The following KIF4A variants were observed in gnomAD, a reference collection of about 807,000 sequenced individuals.
KIF4A encodes the protein kinesin family member 4A, also known as chromosome-associated kinesin KIF4A.
A neutral mutation model predicts 105.9 loss-of-function variants in KIF4A; 7 were observed. The ratio of observed to expected loss-of-function variants is 0.07; its 90% CI spans 0.04 to 0.12. The LOEUF (loss-of-function observed/expected upper bound fraction) is 0.12. Among genes scored for constraint, KIF4A ranks in the 10% least tolerant of loss-of-function variants. The pLI, the probability that KIF4A is intolerant of heterozygous loss-of-function variation, is 1.00. For missense variants in KIF4A, 558 were observed against 929.2 expected (o/e 0.60, Z 5.19); for synonymous variants, 281 against 331.3 (o/e 0.85, Z 1.65).
In KIF4A at chrX:70,375,776, A is replaced by G. The variant is rs745455203; in HGVS notation, c.1924-324A>G. ...CTTGTACTGAAACCTTTAGAATACAATGGTTACTAGGTGGATTTGTCCTGG... is the reference window on the plus strand; with the variant it reads ...CTTGTACTGAAACCTTTAGAATACAGTGGTTACTAGGTGGATTTGTCCTGG... On this transcript the variant is annotated intron_variant, in intron 17 of 30. Coordinates refer to ENST00000374403, the MANE Select transcript of KIF4A (RefSeq NM_012310.5). Among the ~76,000 whole-genome samples the G allele has an allele frequency of 2.7e-5, 3 of 112,083 alleles. No homozygotes were observed. The East Asian group carries it at 8.4e-4, about 31-fold the overall frequency.
intron 18 of KIF4A, among the ~76,000 whole-genome samples, chrX:70,380,336 C>T (rs768256992): frequency 9.0e-6 from 1 of 111,347 alleles, no homozygotes; most frequent in South Asian, 3.8e-4. Context: ...ACACTTATGA[C>T]CAAGTGAAGT....
chrX:70,376,013 CTCT>C (rs1416493276), intron 17 of KIF4A, 84 bp from the exon 18 acceptor site: 2 of 589,087 alleles, frequency 3.4e-6, no homozygotes, highest in Non-Finnish European at 5.4e-6. Flanking sequence ...TGGCTTTTCT[CTCT>C]TCTTAATGGT....
chrX:70,330,058 G>A (rs1025489468), intron 8 of KIF4A, 99 bp from the exon 9 acceptor site: 3 of 662,094 alleles, frequency 4.5e-6, no homozygotes, highest in African/African-American at 4.4e-5. Context: ...TTTTCTTATA[G>A]CTCTGAATTT....
At position 70,329,467 on chromosome X, in the gene KIF4A, A is replaced by C. The variant is rs1463104712; in HGVS notation, c.841A>C (p.Lys281Gln). The C allele has an allele frequency of 3.3e-6, 4 of 1,209,181 alleles. No individual in the cohort carries two copies. Among genetic ancestry groups the C allele is most frequent in the Non-Finnish European group, 2.2e-6 (2 of 894,782 alleles). Residue 281 changes from lysine (K) to glutamine (Q), a missense_variant, in exon 8 of 31, where the codon AAA (lysine) becomes CAA (glutamine). This residue lies in a region of KIF4A where 89 missense variants were observed against 248.8 expected (regional missense o/e 0.36). Transcript: ENST00000374403. ...GNVISALGDD[K>Q]KGGFVPYRDS... ...TGTAATCAGTGCTCTTGGAGATGACAAAAAGGGTGGCTTTGTGCCCTACAG... is the reference window on the plus strand; with the variant it reads ...TGTAATCAGTGCTCTTGGAGATGACCAAAAGGGTGGCTTTGTGCCCTACAG...
chrX:70,382,476 CA>C (rs1478942407), intron 18 of KIF4A, among the ~76,000 whole-genome samples: 2 of 111,570 alleles, frequency 1.8e-5, no homozygotes, highest in African/African-American at 6.5e-5. Flanking sequence ...TAAAGCAGAT[CA>C]AAAACCTAAA....
intron 7 of KIF4A, among the ~76,000 whole-genome samples, chrX:70,318,129 C>T (rs1351807541): frequency 9.0e-6 from 1 of 110,972 alleles, no homozygotes; most frequent in Non-Finnish European, 1.9e-5. Context: ...CTGCCTGCCT[C>T]GGCCTCCCAA....
At chrX:70,329,802 G>A (rs753292704) in intron 8 of KIF4A, among the ~76,000 whole-genome samples, 2 of 111,347 alleles carry the variant, frequency 1.8e-5, no homozygotes, top group South Asian at 3.8e-4. Context: ...TTATTAGTGC[G>A]GCTAAGCAGA....
In KIF4A at chrX:70,417,930, A is replaced by C. The variant is rs1322308773; in HGVS notation, c.3298A>C (p.Arg1100=). The C allele has an allele frequency of 8.3e-7, 1 of 1,211,372 alleles. No homozygotes were observed. The highest frequency in any genetic ancestry group is 1.1e-6 in the Non-Finnish European group (1 of 895,208). The stretch of plus-strand genomic sequence containing the variant: ...GTGTGGAAACAAGCAGTGTGGGTGC[A>C]GGAAGCAAAAGTCAGACTGTGGTGT... The part of the protein sequence containing the change: ...GWCGNKQCGC[R]KQKSDCGVDC... Residue 1100 remains arginine, a synonymous_variant, in exon 29 of 31, where the codon AGG becomes CGG. Transcript: ENST00000374403.
At chrX:70,310,619 C>T (rs1376140045) in intron 7 of KIF4A, among the ~76,000 whole-genome samples, 2 of 111,087 alleles carry the variant, frequency 1.8e-5, no homozygotes, top group Non-Finnish European at 3.8e-5. Flanking sequence ...AGAGGGCAAG[C>T]GTATGTTTAA....
intron 18 of KIF4A, among the ~76,000 whole-genome samples, chrX:70,386,073 G>A (rs954033114): frequency 9.2e-6 from 1 of 109,210 alleles, no homozygotes; most frequent in Non-Finnish European, 1.9e-5. Context: ...CTTTATGTCC[G>A]TGTGTACCCA....
chrX:70,338,811 C>T (rs1266224017), intron 10 of KIF4A, among the ~76,000 whole-genome samples: 1 of 111,508 alleles, frequency 9.0e-6, no homozygotes, highest in Non-Finnish European at 1.9e-5. Flanking sequence ...TTCAGCCGGG[C>T]GCGGTGGCTC....
intron 11 of KIF4A, 111 bp from the exon 12 acceptor site, chrX:70,343,592 A>G: frequency 1.6e-6 from 1 of 641,561 alleles, no homozygotes; most frequent in Non-Finnish European, 2.4e-6. Flanking sequence ...CCTCTGTTAC[A>G]GCAAAGGAGA....
intron 28 of KIF4A, among the ~76,000 whole-genome samples, chrX:70,410,524 G>A (rs185606641): frequency 2.7e-5 from 3 of 111,911 alleles, no homozygotes; most frequent in African/African-American, 6.5e-5. Flanking sequence ...TGCAATGCAG[G>A]GTCTAGAACA....
At chrX:70,359,864 G>C (rs1409583934) in intron 15 of KIF4A, among the ~76,000 whole-genome samples, 1 of 111,426 alleles carries the variant, frequency 9.0e-6, no homozygotes, top group African/African-American at 3.3e-5. Flanking sequence ...GATTCTGTTA[G>C]TAGGGAGGAA....
intron 15 of KIF4A, among the ~76,000 whole-genome samples, chrX:70,371,157 G>A (rs907012636): frequency 1.8e-5 from 2 of 109,228 alleles, no homozygotes; most frequent in African/African-American, 3.3e-5. Flanking sequence ...GTCAGTTTTC[G>A]CCAATCTTTT....
chrX:70,392,631 AT>A (rs917781016), intron 20 of KIF4A, among the ~76,000 whole-genome samples: 8 of 105,716 alleles, frequency 7.6e-5, no homozygotes, highest in African/African-American at 1.7e-4. Flanking sequence ...ACACATCTCT[AT>A]TTTTTTTTTA....
At chrX:70,370,551 T>C (rs2086126806) in intron 15 of KIF4A, among the ~76,000 whole-genome samples, 1 of 108,795 alleles carries the variant, frequency 9.2e-6, no homozygotes, top group Admixed American at 1.0e-4. Context: ...TCTGTATGTA[T>C]AGAATATAGA....
intron 22 of KIF4A, among the ~76,000 whole-genome samples, chrX:70,401,123 A>G (rs1477984860): frequency 1.1e-5 from 1 of 89,571 alleles, no homozygotes; most frequent in African/African-American, 4.4e-5. Context: ...CTCTGTCGCC[A>G]GGCTGGAGTG....
intron 20 of KIF4A, among the ~76,000 whole-genome samples, chrX:70,393,795 TTTTCTCTTTCTTTC>T (rs1569250175): frequency 2.0e-5 from 2 of 101,170 alleles, no homozygotes; most frequent in African/African-American, 7.1e-5. Flanking sequence ...TTTTCTTTTC[TTTTCTCTTTCTTTC>T]TTTCTTTCTT....
Sources: gnomAD v4.1 joint callset for allele counts (sites outside exome capture counted in the v4.1 genomes callset) on GRCh38, gnomAD v4.1.1 for gene constraint, gnomAD v4.1.1 regional missense constraint, MANE v1.5 for transcripts, NCBI Gene and HGNC (gene_info 2026-07-23, HGNC 2026-07-21) for gene names.